TTN: variants seen among roughly 807,000 people sequenced by gnomAD.
TTN encodes the protein titin.
Under a neutral mutation model 3,223.0 loss-of-function variants are expected in TTN, and 1,525 were observed. The ratio of observed to expected loss-of-function variants is 0.47; its 90% CI spans 0.45 to 0.49. The LOEUF is 0.49. Among genes scored for constraint, TTN ranks in the 20% least tolerant of loss-of-function variants. The probability of loss-of-function intolerance (pLI) is 0.00; values close to 1 mark genes in which losing one functional copy is unlikely to be tolerated. For synonymous variants in TTN, 14,094 were observed against 15,161.0 expected (o/e 0.93, Z 5.17); for missense variants, 40,786 against 43,424.0 (o/e 0.94, Z 5.40).
In TTN at chr2:178,531,674, C is replaced by G; in HGVS notation, c.104941G>C (p.Glu34981Gln). Residue 34981 changes from glutamate to glutamine, a missense_variant, in exon 358 of 363, where the codon GAA becomes CAA. Physicochemically the swap from Glu to Gln is conservative, Grantham distance 29. Transcript: ENST00000589042. ...AEVKWYHNGV[E>Q]LQESSKIHYT... ...TGAATCTTACTGCTTTCTTGGAGTT[C>G]CACACCATTGTGGTACCATTTAACC... The G allele has an allele frequency of 6.2e-7, 1 of 1,613,950 alleles. No individual in the cohort carries two copies. The highest frequency in any genetic ancestry group is 2.2e-5 in the East Asian group (1 of 44,886).
chr2:178,590,890 C>T lies in TTN; in HGVS notation c.60835G>A (p.Val20279Met). 3.1e-6 allele frequency: 5 copies of T among 1,611,490 alleles called. No homozygotes were observed. The highest frequency in any genetic ancestry group is 4.2e-6 in the Non-Finnish European group (5 of 1,177,970). Residue 20279 changes from valine (V) to methionine (M), a missense_variant, in exon 304 of 363, where the codon GTG (valine) becomes ATG (methionine). Transcript: ENST00000589042. ...FSPPSPPGKP[V>M]VTDITENAAT... ...GCATTTTCAGTAATGTCAGTAACCA[C>T]TGGTTTACCAGGAGGAGACGGAGGA...
Position 178,552,013 on chromosome 2 carries a change from T to G in TTN, c.90887A>C (p.Gln30296Pro). Reference protein sequence around the residue: ...VPNLVKDAEYQFRVRAENRYG... With the variant: ...VPNLVKDAEYPFRVRAENRYG... ...TCTGTTTTCTGCTCTCACTCTAAAC[T>G]GGTACTCAGCATCTTTGACTAGATT... Residue 30296 changes from glutamine to proline, a missense_variant, in exon 335 of 363, where the codon CAG becomes CCG. Transcript: ENST00000589042. The G allele has an allele frequency of 6.2e-7, 1 of 1,613,126 alleles. No individual in the cohort carries two copies. Among genetic ancestry groups the G allele is most frequent in the Non-Finnish European group, 8.5e-7 (1 of 1,179,306 alleles).
chr2:178,804,709 G>A (rs1048874619), intron 1 of TTN, 54 bp from the exon 2 acceptor site: 2 of 1,533,790 alleles, frequency 1.3e-6, no homozygotes, highest in Admixed American at 3.4e-5. Flanking sequence ...TCACTCTGGA[G>A]CTGCTTTGCA....
At position 178,693,579 on chromosome 2, in the gene TTN, G is replaced by A. The variant is rs777888799; in HGVS notation, c.31594+30C>T. On this transcript the variant is annotated intron_variant, in intron 119 of 362. Coordinates refer to ENST00000589042, the MANE Select transcript of TTN (RefSeq NM_001267550.2). ...GTATTTGTACTAATTTTTATTAAAA[G>A]AGTTTAAACTTAGAATGAATTACTA... 4.1e-6 allele frequency: 6 copies of A among 1,447,218 alleles called. No individual in the cohort carries two copies. In the Admixed American group the frequency reaches 1.3e-4, roughly 31 times the overall value. 89.6% of individuals were successfully genotyped at this position (1,447,218 alleles called of 1,614,324 possible). A position where few individuals can be genotyped will look rare whatever the true frequency, so the allele number is the denominator to read the frequency against.
In TTN at chr2:178,675,710, G is replaced by T; in HGVS notation, c.34498C>A (p.Pro11500Thr). The change falls in exon 149 of 363, where the codon CCT becomes ACT. Residue 11500 changes from proline (P) to threonine (T), a missense_variant. Physicochemically the swap from Pro to Thr is conservative, Grantham distance 38 (BLOSUM62 -1). Transcript: ENST00000589042. Reference sequence around the variant, plus strand: ...GCCACTGCTTTCTTAAGACCAGGAGGAGGGACCTTCTTTTCTGGCTCAGGT... The same window carrying T: ...GCCACTGCTTTCTTAAGACCAGGAGTAGGGACCTTCTTTTCTGGCTCAGGT... ...KKPEPEKKVPPPGLKKAVAPP... is the reference protein window; with the variant it reads ...KKPEPEKKVPTPGLKKAVAPP... The T allele has an allele frequency of 2.1e-6, 3 of 1,430,076 alleles. No homozygotes were observed. Among genetic ancestry groups the T allele is most frequent in the Non-Finnish European group, 2.7e-6 (3 of 1,101,316 alleles). 88.6% of individuals were successfully genotyped at this position (1,430,076 alleles called of 1,614,324 possible).
chr2:178,746,550 G>T, intron 47 of TTN: 1 of 1,613,144 alleles, frequency 6.2e-7, no homozygotes, highest in Non-Finnish European at 8.5e-7. Flanking sequence ...GTTACTGGAG[G>T]TGGTAGTGCC....
intron 260 of TTN, 30 bp downstream of exon 260, chr2:178,614,817 T>C: frequency 1.3e-6 from 2 of 1,586,112 alleles, no homozygotes; most frequent in Non-Finnish European, 1.7e-6. Flanking sequence ...CAGAGGCCTA[T>C]TTGATAAGAC....
intron 239 of TTN, 150 bp from the exon 240 acceptor site, chr2:178,629,593 C>G (rs146729020): frequency 1.7e-6 from 2 of 1,158,754 alleles, no homozygotes; most frequent in Non-Finnish European, 2.4e-6. Flanking sequence ...CGTGGCCCCA[C>G]GGCGCTGAGA....
At chr2:178,746,313 C>G in intron 47 of TTN, 1 of 1,612,584 alleles carries the variant, frequency 6.2e-7, no homozygotes, top group South Asian at 1.1e-5. Context: ...TCTTCTCCCT[C>G]CCTTGAATCC....
At chr2:178,629,834 G>C (rs535795994) in intron 239 of TTN, among the ~76,000 whole-genome samples, 2 of 152,214 alleles carry the variant, frequency 1.3e-5, no homozygotes, top group East Asian at 3.9e-4. Context: ...TTCCAGAAAC[G>C]TTAGCCTAAT....
chr2:178,554,282 G>A, intron 332 of TTN, 66 bp from the exon 333 acceptor site: 1 of 1,476,066 alleles, frequency 6.8e-7, no homozygotes, highest in Non-Finnish European at 9.1e-7. Flanking sequence ...TACCTTTGAT[G>A]TTCGCATTCT....
At chr2:178,794,291 C>A (rs555621898) in intron 8 of TTN, 108 bp downstream of exon 8, 1 of 1,530,582 alleles carries the variant, frequency 6.5e-7, no homozygotes, top group Admixed American at 1.7e-5. Context: ...AGGCTGTCTT[C>A]AGAATGAATT....
At chr2:178,770,826 G>C in intron 34 of TTN, 151 bp from the exon 35 acceptor site, 1 of 1,043,814 alleles carries the variant, frequency 9.6e-7, no homozygotes, top group South Asian at 1.3e-5. Context: ...AAAAACACCT[G>C]AGATTATTTA....
intron 223 of TTN, among the ~76,000 whole-genome samples, chr2:178,638,350 T>C (rs1049652384): frequency 4.6e-5 from 7 of 150,698 alleles, no homozygotes; most frequent in Non-Finnish European, 8.9e-5. Flanking sequence ...AAATATAAAA[T>C]GACTAATTAT....
In TTN at chr2:178,636,265, T is replaced by C. The variant is rs772874876; in HGVS notation, c.41330-24A>G. On this transcript the variant is annotated intron_variant, in intron 225 of 362. Transcript: ENST00000589042. The surrounding 1 kb of genome is among the most constrained non-coding windows in gnomAD (Gnocchi z 4.3). ...TTCTATGGAGAATTTCAGTATATAT[T>C]TCAATAAATACAATATTTTCAATGA... is the stretch of plus-strand genomic sequence containing the variant. 2.0e-6 allele frequency: 3 copies of C among 1,491,428 alleles called. No individual in the cohort carries two copies. The highest frequency in any genetic ancestry group is 2.8e-5 in the South Asian group (2 of 72,004). The allele number at this position is 1,491,428 out of a possible 1,614,324, so 92.4% of individuals were successfully genotyped here.
Position 178,553,058 on chromosome 2 carries a change from C to T in TTN, c.89842G>A (p.Gly29948Ser). 6.2e-7 allele frequency: 1 copy of T among 1,612,468 alleles called. No individual in the cohort carries two copies. The highest frequency in any genetic ancestry group is 8.5e-7 in the Non-Finnish European group (1 of 1,179,544). Residue 29948 changes from glycine (G) to serine (S), a missense_variant, in exon 335 of 363, where the codon GGC becomes AGC. By Grantham distance (56) the Gly-to-Ser change is moderately conservative. Coordinates refer to ENST00000589042, the MANE Select transcript of TTN (RefSeq NM_001267550.2). ...QKLQVKHVSR[G>S]TVTLLWDPPL... Reference sequence around the variant, plus strand: ...GGATCCCAGAGCAAAGTGACTGTGCCTCGAGAAACATGTTTAACCTGTAGT... The same window carrying T: ...GGATCCCAGAGCAAAGTGACTGTGCTTCGAGAAACATGTTTAACCTGTAGT...
intron 9 of TTN, 51 bp downstream of exon 9, chr2:178,793,353 G>A: frequency 6.2e-7 from 1 of 1,605,598 alleles, no homozygotes; most frequent in Non-Finnish European, 8.5e-7. Flanking sequence ...GATTATCTGT[G>A]TTGACCCCTG....
rs1250676624 is a variant in TTN at position 178,604,863 on chromosome 2, C to T, written c.54226G>A (p.Asp18076Asn). The T allele has an allele frequency of 1.2e-6, 2 of 1,612,022 alleles. No individual in the cohort carries two copies. The highest frequency in any genetic ancestry group is 1.7e-6 in the Non-Finnish European group (2 of 1,178,958). The change falls in exon 281 of 363, where the codon GAC becomes AAC. Residue 18076 changes from aspartate to asparagine, a missense_variant. By Grantham distance (23) the Asp-to-Asn change is conservative. Transcript: ENST00000589042. ...PSPPRNLAVT[D>N]IKAESCYLTW... ...AAGTAGCAAGATTCAGCTTTAATGT[C>T]AGTAACAGCAAGATTTCTTGGTGGG...
Position 178,636,749 on chromosome 2 carries a change from T to C in TTN, c.40978A>G (p.Arg13660Gly). 1 of 1,610,144 alleles carries C rather than the reference T, an allele frequency of 6.2e-7. No homozygotes were observed. The highest frequency in any genetic ancestry group is 8.5e-7 in the Non-Finnish European group (1 of 1,177,316). Residue 13660 changes from arginine (R) to glycine (G), a missense_variant, in exon 225 of 363, where the codon AGG becomes GGG. Physicochemically the swap from Arg to Gly is moderately radical, Grantham distance 125 (BLOSUM62 -2). Coordinates refer to ENST00000589042, the MANE Select transcript of TTN (RefSeq NM_001267550.2). The surrounding 1 kb of genome is among the most constrained non-coding windows in gnomAD (Gnocchi z 4.3). ...SPIEAERRKL[R>G]PGSGGEKPPD... ...GGTTTCTCTCCACCACTTCCTGGCC[T>C]TAACTTTCTCCTTTCGGCTTCTATT...
Sources: gnomAD v4.1 joint callset for allele counts (sites outside exome capture counted in the v4.1 genomes callset) on GRCh38, gnomAD v4.1.1 for gene constraint, Gnocchi (gnomAD v3.1) non-coding constraint, MANE v1.5 for transcripts, NCBI Gene and HGNC (gene_info 2026-07-23, HGNC 2026-07-21) for gene names.